The following FBLN5 variants were observed in gnomAD, a reference collection of about 807,000 sequenced individuals.
The protein encoded by FBLN5 is fibulin 5.
Under a neutral mutation model 61.6 loss-of-function variants are expected in FBLN5, and 24 were observed. That is an observed-to-expected ratio of 0.39 (90% CI 0.28 to 0.55). FBLN5 has a LOEUF of 0.55. FBLN5 is among the 20% of genes least tolerant of loss of function. The pLI is 0.65. For synonymous variants in FBLN5, 213 were observed against 219.8 expected (o/e 0.97, Z 0.27); for missense variants, 470 against 594.1 (o/e 0.79, Z 2.17).
chr14:91,870,739 C>T (rs928270452), intron 10 of FBLN5, among the ~76,000 whole-genome samples: 1 of 152,204 alleles, frequency 6.6e-6, no homozygotes, highest in African/African-American at 2.4e-5. Flanking sequence ...TATCTAGGCT[C>T]CCACTAGGCT....
intron 4 of FBLN5, among the ~76,000 whole-genome samples, chr14:91,928,632 C>T (rs1375856879): frequency 6.6e-6 from 1 of 151,958 alleles, no homozygotes; most frequent in African/African-American, 2.4e-5. Context: ...GTTAGCTGGG[C>T]ATGGTGGCAT....
intron 10 of FBLN5, among the ~76,000 whole-genome samples, chr14:91,875,636 C>G (rs933649181): frequency 6.6e-6 from 1 of 152,154 alleles, no homozygotes; most frequent in African/African-American, 2.4e-5. Context: ...CGGGGAGGAG[C>G]CTCACTCTTC....
chr14:91,945,228 CAAAAA>C (rs545285563), intron 1 of FBLN5, among the ~76,000 whole-genome samples: 1 of 64,884 alleles, frequency 1.5e-5, no homozygotes, highest in Admixed American at 1.8e-4. Flanking sequence ...GACTCCGTCT[CAAAAA>C]AAAAAAAAAA....
intron 4 of FBLN5, among the ~76,000 whole-genome samples, chr14:91,896,286 A>T (rs1462082841): frequency 1.3e-5 from 2 of 152,174 alleles, no homozygotes; most frequent in Admixed American, 1.3e-4. Context: ...TTACTCCACA[A>T]GGATCCACGG....
At chr14:91,913,989 G>T (rs1008646507) in intron 4 of FBLN5, among the ~76,000 whole-genome samples, 54 of 152,306 alleles carry the variant, frequency 3.5e-4, no homozygotes, top group Admixed American at 4.6e-4. Context: ...GTAGTCTTAA[G>T]TGCTGACTTA....
At chr14:91,945,074 T>C (rs1309403496) in intron 1 of FBLN5, among the ~76,000 whole-genome samples, 1 of 151,588 alleles carries the variant, frequency 6.6e-6, no homozygotes, top group Non-Finnish European at 1.5e-5. Context: ...CTACTAAAAA[T>C]ACAAAAATTA....
rs1353016984 is a variant in FBLN5 at position 91,946,684 on chromosome 14, T to C, written c.17+529A>G. The C allele has an allele frequency of 3.3e-6, 5 of 1,524,702 alleles. No individual in the cohort carries two copies. In the South Asian group the frequency reaches 3.6e-5, roughly 11 times the overall value. The allele number at this position is 1,524,702 out of a possible 1,614,324, so 94.4% of individuals were successfully genotyped here. On this transcript the variant is annotated intron_variant, in intron 1 of 10. Transcript: ENST00000342058. ...TTACTTAACTGTAATTGCAATTTCC[T>C]TAAAGAATAGCAAAACATTTGCTTA... is the stretch of plus-strand genomic sequence containing the variant.
intron 1 of FBLN5, chr14:91,946,832 C>T (rs2056192722): frequency 2.0e-6 from 3 of 1,526,342 alleles, no homozygotes; most frequent in South Asian, 1.2e-5. Flanking sequence ...GTCTATCAGC[C>T]GATGCGGCGC....
At position 91,881,380 on chromosome 14, in the gene FBLN5, G is replaced by C. The variant is rs377360782; in HGVS notation, c.901C>G (p.Leu301Val). ...ECEHRNHTCN[L>V]QQTCYNLQGG... ...TGTAAATTGTAGCACGTCTGCTGCA[G>C]GTTGCACGTGTGGTTCCTGTGCTCA... The change falls in exon 9 of 11, where the codon CTG (leucine) becomes GTG (valine). Residue 301 changes from leucine (L) to valine (V), a missense_variant. Transcript: ENST00000342058. The C allele has an allele frequency of 5.6e-6, 9 of 1,614,086 alleles. No individual in the cohort carries two copies. The highest frequency in any genetic ancestry group is 7.6e-6 in the Non-Finnish European group (9 of 1,179,902).
rs544882334 is a variant in FBLN5, at chr14:91,890,136, C to T, written c.619+1085G>A. 2.6e-5 allele frequency among the ~76,000 whole-genome samples: 4 copies of T among 152,294 alleles called. No homozygotes were observed. In the East Asian group the frequency reaches 5.8e-4, roughly 22 times the overall value. ...CTCAGAAGAAAATGACCTCTTTTGG[C>T]GTGAGGAACACAGTCCAGAATTCTT... On this transcript the variant is annotated intron_variant, in intron 6 of 10. Coordinates refer to ENST00000342058, the MANE Select transcript of FBLN5 (RefSeq NM_006329.4).
chr14:91,894,654 G>A (rs964361251), intron 5 of FBLN5, among the ~76,000 whole-genome samples: 25 of 151,372 alleles, frequency 1.7e-4, no homozygotes, highest in Non-Finnish European at 2.5e-4. Flanking sequence ...CCCAGGAGGC[G>A]GAGGTTGCGG....
chr14:91,907,543 CG>C (rs1566814226), intron 4 of FBLN5, among the ~76,000 whole-genome samples: 1 of 151,934 alleles, frequency 6.6e-6, no homozygotes, highest in African/African-American at 2.4e-5. Flanking sequence ...GTCAGAGAGC[CG>C]GGGGGAGCTT....
At chr14:91,928,260 A>G (rs554166324) in intron 4 of FBLN5, among the ~76,000 whole-genome samples, 1 of 152,366 alleles carries the variant, frequency 6.6e-6, no homozygotes, top group South Asian at 2.1e-4. Flanking sequence ...GATTGGGAAG[A>G]TTTAGAATAG....
At chr14:91,876,377 A>G (rs930877722) in intron 10 of FBLN5, among the ~76,000 whole-genome samples, 3 of 152,236 alleles carry the variant, frequency 2.0e-5, no homozygotes, top group Non-Finnish European at 2.9e-5. Flanking sequence ...AGCATCTGTT[A>G]GAAATGCAGA....
intron 10 of FBLN5, among the ~76,000 whole-genome samples, chr14:91,870,996 G>A (rs952437245): frequency 3.3e-5 from 5 of 152,206 alleles, no homozygotes; most frequent in Middle Eastern, 3.4e-3. Context: ...AGGCACCAGG[G>A]CCTGCTTCAG....
intron 5 of FBLN5, among the ~76,000 whole-genome samples, chr14:91,893,463 C>T (rs561137013): frequency 1.4e-4 from 22 of 152,304 alleles, no homozygotes; most frequent in African/African-American, 4.8e-4. Flanking sequence ...CAGACCTACT[C>T]AGCCTCAATC....
intron 4 of FBLN5, among the ~76,000 whole-genome samples, chr14:91,902,847 T>C (rs917925497): frequency 2.0e-5 from 3 of 152,092 alleles, no homozygotes; most frequent in African/African-American, 4.8e-5. Context: ...GGAATTTAAG[T>C]TTTCAAAAAT....
At chr14:91,924,425 C>T (rs1243056073) in intron 4 of FBLN5, among the ~76,000 whole-genome samples, 1 of 152,184 alleles carries the variant, frequency 6.6e-6, no homozygotes, top group South Asian at 2.1e-4. Context: ...TGGTGGCTCA[C>T]GCCTGTAATC....
At chr14:91,877,850 A>G in intron 9 of FBLN5, 168 bp from the exon 10 acceptor site, 1 of 684,420 alleles carries the variant, frequency 1.5e-6, no homozygotes, top group East Asian at 2.8e-5. Context: ...TCTCTCCAGC[A>G]TGTAGGCGAG....
Sources: gnomAD v4.1 joint callset for allele counts (sites outside exome capture counted in the v4.1 genomes callset) on GRCh38, gnomAD v4.1.1 for gene constraint, MANE v1.5 for transcripts, NCBI Gene and HGNC (gene_info 2026-07-23, HGNC 2026-07-21) for gene names.